IQCH: variants seen among roughly 807,000 people sequenced by gnomAD.
The protein encoded by IQCH is IQ domain-containing protein H.
A neutral mutation model predicts 117.0 loss-of-function variants in IQCH; 98 were observed. The ratio of observed to expected loss-of-function variants is 0.84; its 90% CI spans 0.71 to 0.99. IQCH has a LOEUF of 0.99. IQCH is among the 50% of genes least tolerant of loss of function. IQCH has a pLI of 0.00. For synonymous variants in IQCH, 412 were observed against 448.2 expected (o/e 0.92, Z 1.02); for missense variants, 1,102 against 1,243.8 (o/e 0.89, Z 1.72).
In IQCH at chr15:67,425,096, ATGTT is replaced by A. The variant is rs1179409677; in HGVS notation, c.2505+3526_2505+3529del. Among the ~76,000 whole-genome samples, 1 of 152,154 alleles carries A rather than the reference ATGTT, an allele frequency of 6.6e-6. No homozygotes were observed. The highest frequency in any genetic ancestry group is 2.4e-5 in the African/African-American group (1 of 41,438). On this transcript the variant is annotated intron_variant, in intron 16 of 20. Coordinates refer to ENST00000335894, the MANE Select transcript of IQCH (RefSeq NM_001031715.3). The surrounding 1 kb of genome is among the most constrained non-coding windows in gnomAD (Gnocchi z 5.5). ...TTAGTGAAGATCCACACCTCTTCAT[ATGTT>A]TGTTTGCCCATTTATATATCTTTTC...
In IQCH at chr15:67,381,313, G is replaced by T. The variant is rs1202781489; in HGVS notation, c.1373-3623G>T. Among the ~76,000 whole-genome samples the T allele has an allele frequency of 6.6e-6, 1 of 152,208 alleles. No homozygotes were observed. The highest frequency in any genetic ancestry group is 1.5e-5 in the Non-Finnish European group (1 of 68,040). On this transcript the variant is annotated intron_variant, in intron 10 of 20. Transcript: ENST00000335894. The surrounding 1 kb of genome is among the most constrained non-coding windows in gnomAD (Gnocchi z 5.1). ...CCTTGATGAGCAACCTTGGTTCAGT[G>T]GGGGACCAGAAGTAGTAGATGAGTA... is the stretch of plus-strand genomic sequence containing the variant.
intron 17 of IQCH, among the ~76,000 whole-genome samples, chr15:67,471,292 A>G (rs2083064803): frequency 2.6e-5 from 1 of 38,852 alleles, no homozygotes; most frequent in Non-Finnish European, 6.1e-5. Flanking sequence ...ATATTTCCAA[A>G]TCATTATTTC....
rs1334795155 is a variant in IQCH, at chr15:67,391,630, A to G, written c.1632+2624A>G. Among the ~76,000 whole-genome samples, 1 of 152,172 alleles carries G rather than the reference A, an allele frequency of 6.6e-6. No individual in the cohort carries two copies. The highest frequency in any genetic ancestry group is 1.5e-5 in the Non-Finnish European group (1 of 68,036). On this transcript the variant is annotated intron_variant, in intron 12 of 20. Coordinates refer to ENST00000335894, the MANE Select transcript of IQCH (RefSeq NM_001031715.3). The surrounding 1 kb of genome is among the most constrained non-coding windows in gnomAD (Gnocchi z 4.3). ...GATAAATTAAATGTAGCCATAATTC[A>G]ATGGAACTAGACACATTTTAGATTT... is the stretch of plus-strand genomic sequence containing the variant.
At chr15:67,316,258 A>G (rs1180888854) in intron 4 of IQCH, among the ~76,000 whole-genome samples, 1 of 152,204 alleles carries the variant, frequency 6.6e-6, no homozygotes, top group African/African-American at 2.4e-5. Context: ...ACAGTGACCC[A>G]AGAGAGCAGT....
intron 4 of IQCH, among the ~76,000 whole-genome samples, chr15:67,328,988 A>T (rs909655007): frequency 1.3e-5 from 2 of 152,072 alleles, no homozygotes; most frequent in Non-Finnish European, 2.9e-5. Context: ...ACAATTGATC[A>T]CTTGTGCCTT....
At position 67,338,578 on chromosome 15, in the gene IQCH, C is replaced by T. The variant is rs1038009788; in HGVS notation, c.508+1483C>T. 2.9e-4 allele frequency among the ~76,000 whole-genome samples: 44 copies of T among 152,262 alleles called. 1 individual carries two copies. Among genetic ancestry groups the T allele is most frequent in the Admixed American group, 2.1e-3 (32 of 15,290 alleles). Reference sequence around the variant, plus strand: ...GCCTCACCCCAGATCTACACAGGTCCAGAATGAGGTGAAAGACTAATAACA... The same window carrying T: ...GCCTCACCCCAGATCTACACAGGTCTAGAATGAGGTGAAAGACTAATAACA... On this transcript the variant is annotated intron_variant, in intron 5 of 20. Coordinates refer to ENST00000335894, the MANE Select transcript of IQCH (RefSeq NM_001031715.3).
At chr15:67,330,963 G>C (rs1968640194) in intron 4 of IQCH, among the ~76,000 whole-genome samples, 1 of 152,114 alleles carries the variant, frequency 6.6e-6, no homozygotes, top group African/African-American at 2.4e-5. Flanking sequence ...GTAACAGAAA[G>C]GTAGAAAAAA....
intron 12 of IQCH, among the ~76,000 whole-genome samples, chr15:67,392,081 T>C (rs1264565994): frequency 6.6e-6 from 1 of 152,234 alleles, no homozygotes; most frequent in Non-Finnish European, 1.5e-5. Context: ...ATCCTGCCTC[T>C]GCTGTTTACT....
At position 67,344,172 on chromosome 15, in the gene IQCH, A is replaced by C. The variant is rs1314161499; in HGVS notation, c.618A>C (p.Ala206=). 1 of 1,613,620 alleles carries C rather than the reference A, an allele frequency of 6.2e-7. No individual in the cohort carries two copies. Among genetic ancestry groups the C allele is most frequent in the East Asian group, 2.2e-5 (1 of 44,850 alleles). Residue 206 remains alanine (A), a synonymous_variant, in exon 6 of 21, where the codon GCA becomes GCC. Coordinates refer to ENST00000335894, the MANE Select transcript of IQCH (RefSeq NM_001031715.3). ...RAAPLHSFDE[A]RKIPTVATFT... The stretch of plus-strand genomic sequence containing the variant: ...CTCCTCTGCATAGTTTTGATGAAGC[A>C]CGTAAGATTCCAACTGTAGGTAAGA...
chr15:67,429,041 C>T (rs1400835681), intron 16 of IQCH, among the ~76,000 whole-genome samples: 1 of 152,166 alleles, frequency 6.6e-6, no homozygotes, highest in Non-Finnish European at 1.5e-5. Context: ...CCAGGAGGAA[C>T]AAAGCCCTGC....
intron 4 of IQCH, among the ~76,000 whole-genome samples, chr15:67,320,904 C>T (rs1968087094): frequency 6.6e-6 from 1 of 152,160 alleles, no homozygotes; most frequent in African/African-American, 2.4e-5. Context: ...TACCATTAAG[C>T]CACCTGGAGT....
chr15:67,493,962 T>A lies in IQCH; in HGVS notation c.2862-296T>A, dbSNP rs1411818394. 1.3e-5 allele frequency among the ~76,000 whole-genome samples: 2 copies of A among 152,230 alleles called. No homozygotes were observed. The highest frequency in any genetic ancestry group is 2.9e-5 in the Non-Finnish European group (2 of 68,040). ...CTGAGAATGATGGGCTTAAACCATTTTTAAAATGAACTCGTACAACATCCT... is the reference window on the plus strand; with the variant it reads ...CTGAGAATGATGGGCTTAAACCATTATTAAAATGAACTCGTACAACATCCT... On this transcript the variant is annotated intron_variant, in intron 19 of 20. Coordinates refer to ENST00000335894, the MANE Select transcript of IQCH (RefSeq NM_001031715.3). This position sits in a 1 kb window ranked among gnomAD's most constrained non-coding sequence, Gnocchi z 5.1.
At chr15:67,274,628 G>T (rs1331864406) in intron 3 of IQCH, among the ~76,000 whole-genome samples, 2 of 151,934 alleles carry the variant, frequency 1.3e-5, no homozygotes, top group Non-Finnish European at 2.9e-5. Context: ...CAGAGATCTC[G>T]CATATCAACA....
rs2083974844 is a variant in IQCH at position 67,501,315 on chromosome 15, A to AT, written c.*574dup. On this transcript the variant is annotated 3_prime_UTR_variant, in exon 21 of 21. Coordinates refer to ENST00000335894, the MANE Select transcript of IQCH (RefSeq NM_001031715.3). This position sits in a 1 kb window ranked among gnomAD's most constrained non-coding sequence, Gnocchi z 5.2. ...GCCACTATTGTCTGCTATTGTTGCC[A>AT]TTTTTCAAAAAGTAGGATAAGCCAG... The AT allele has an allele frequency of 6.6e-6, 1 of 152,106 alleles. No homozygotes were observed. The highest frequency in any genetic ancestry group is 6.5e-5 in the Admixed American group (1 of 15,268). 9.4% of individuals were successfully genotyped at this position (152,106 alleles called of 1,614,324 possible).
chr15:67,312,959 A>C (rs1567087711), intron 4 of IQCH, among the ~76,000 whole-genome samples: 1 of 152,156 alleles, frequency 6.6e-6, no homozygotes, highest in Non-Finnish European at 1.5e-5. Context: ...GTAGAATAGA[A>C]GTAAGTACCC....
intron 4 of IQCH, among the ~76,000 whole-genome samples, chr15:67,305,342 C>T (rs761615240): frequency 8.6e-5 from 13 of 152,008 alleles, no homozygotes; most frequent in Non-Finnish European, 1.6e-4. Flanking sequence ...CTACTTCATT[C>T]GTGTAACCCT....
intron 5 of IQCH, among the ~76,000 whole-genome samples, chr15:67,339,077 G>A (rs987390419): frequency 1.3e-5 from 2 of 152,000 alleles, no homozygotes; most frequent in African/African-American, 4.8e-5. Context: ...TACCAGTTGA[G>A]GCTCCATGAG....
At chr15:67,435,428 T>C (rs1160413512) in intron 16 of IQCH, among the ~76,000 whole-genome samples, 1 of 151,746 alleles carries the variant, frequency 6.6e-6, no homozygotes, top group Non-Finnish European at 1.5e-5. Flanking sequence ...CTATTAAAAA[T>C]AGAAAAATTG....
chr15:67,341,468 AG>A (rs1185121896), intron 5 of IQCH, among the ~76,000 whole-genome samples: 2 of 152,214 alleles, frequency 1.3e-5, no homozygotes, highest in East Asian at 3.8e-4. Flanking sequence ...TGAACTAAAA[AG>A]AAAAACAAAT....
Sources: gnomAD v4.1 joint callset for allele counts (sites outside exome capture counted in the v4.1 genomes callset) on GRCh38, gnomAD v4.1.1 for gene constraint, Gnocchi (gnomAD v3.1) non-coding constraint, MANE v1.5 for transcripts, NCBI Gene and HGNC (gene_info 2026-07-23, HGNC 2026-07-21) for gene names.